The following ADRA1A variants were observed in gnomAD, a reference collection of about 807,000 sequenced individuals.
The protein encoded by ADRA1A is alpha-1A adrenergic receptor.
ADRA1A carries 31 observed loss-of-function variants against 29.6 expected under a neutral mutation model. That is an observed-to-expected ratio of 1.05 (90% CI 0.79 to 1.41). The LOEUF (loss-of-function observed/expected upper bound fraction) is 1.41. Ranked by LOEUF, ADRA1A falls within the 40% of genes most tolerant of loss-of-function variation. The pLI is 0.00. For synonymous variants in ADRA1A, 311 were observed against 254.3 expected (o/e 1.22, Z -2.12); for missense variants, 619 against 601.1 (o/e 1.03, Z -0.31).
chr8:26,808,417 A>G (rs1165834768), intron 2 of ADRA1A, among the ~76,000 whole-genome samples: 3 of 152,236 alleles, frequency 2.0e-5, no homozygotes, highest in African/African-American at 7.2e-5. Flanking sequence ...GTGGAAATGA[A>G]TAACTAAAAT....
chr8:26,842,945 G>A (rs1811940043), intron 2 of ADRA1A, among the ~76,000 whole-genome samples: 1 of 151,216 alleles, frequency 6.6e-6, no homozygotes, highest in Admixed American at 6.6e-5. Flanking sequence ...TGAATGTGCT[G>A]TGTTCACTCC....
At chr8:26,840,940 T>C (rs1811773223) in intron 2 of ADRA1A, among the ~76,000 whole-genome samples, 1 of 152,128 alleles carries the variant, frequency 6.6e-6, no homozygotes, top group Non-Finnish European at 1.5e-5. Flanking sequence ...ATCACAGTTG[T>C]AGCAAGCCAG....
At chr8:26,760,769 G>T (rs1321607511) in intron 2 of ADRA1A, among the ~76,000 whole-genome samples, 1 of 152,198 alleles carries the variant, frequency 6.6e-6, no homozygotes, top group Non-Finnish European at 1.5e-5. Flanking sequence ...ATGTCTCTGG[G>T]TAAGCATATG....
chr8:26,816,509 C>T (rs1215253509), intron 2 of ADRA1A, among the ~76,000 whole-genome samples: 1 of 151,034 alleles, frequency 6.6e-6, no homozygotes, highest in Non-Finnish European at 1.5e-5. Flanking sequence ...AGGGCAAAAA[C>T]AACAAGAGAG....
chr8:26,770,765 G>A (rs1015672978), intron 2 of ADRA1A, 99 bp from the exon 3 acceptor site: 254 of 1,450,696 alleles, frequency 1.8e-4, no homozygotes, highest in Middle Eastern at 4.8e-4. Flanking sequence ...ATTTTTAAAC[G>A]GTTAAAATGA....
chr8:26,769,993 C>A lies in ADRA1A; in HGVS notation c.*156G>T. The A allele has an allele frequency of 6.9e-7, 1 of 1,440,370 alleles. No homozygotes were observed. Among genetic ancestry groups the A allele is most frequent in the Admixed American group, 2.5e-5 (1 of 40,218 alleles). The allele number at this position is 1,440,370 out of a possible 1,614,324, so 89.2% of individuals were successfully genotyped here. ...ACCCTCCCTCTTCCCTGTGCCCTACCCGCTGCCTGATGAGTTGGGTCTACC... is the reference window on the plus strand; with the variant it reads ...ACCCTCCCTCTTCCCTGTGCCCTACACGCTGCCTGATGAGTTGGGTCTACC... On this transcript the variant is annotated 3_prime_UTR_variant, in exon 3 of 3. Coordinates refer to ENST00000380573, the MANE Select transcript of ADRA1A (RefSeq NM_000680.4).
intron 2 of ADRA1A, chr8:26,779,179 C>T (rs535315198): frequency 3.2e-6 from 2 of 625,764 alleles, no homozygotes; most frequent in Admixed American, 2.5e-5. Context: ...GGTTATCTCT[C>T]TCACTGTAGT....
At chr8:26,752,923 G>A (rs967472550), downstream of ADRA1A, among the ~76,000 whole-genome samples, 1 of 152,214 alleles carries the variant, frequency 6.6e-6, no homozygotes, top group Non-Finnish European at 1.5e-5. Flanking sequence ...AGTAGTCATT[G>A]TTCTCATTTT....
rs1404879225 is a variant in ADRA1A, at chr8:26,865,471, C to G, written c.-502G>C. 16 of 784,036 alleles carry G rather than the reference C, an allele frequency of 2.0e-5. No homozygotes were observed. The highest frequency in any genetic ancestry group is 2.3e-5 in the Non-Finnish European group (16 of 691,322). The allele number at this position is 784,036 out of a possible 1,614,324, so 48.6% of individuals were successfully genotyped here. A position where few individuals can be genotyped will look rare whatever the true frequency, so the allele number is the denominator to read the frequency against. Reference sequence around the variant, plus strand: ...GCCGTCGACGCTCAAAGGCAGGGACCGATGGTTGGGTAGCGCAGCGCTACA... The same window carrying G: ...GCCGTCGACGCTCAAAGGCAGGGACGGATGGTTGGGTAGCGCAGCGCTACA... On this transcript the variant is annotated 5_prime_UTR_variant, in exon 2 of 3. Coordinates refer to ENST00000380573, the MANE Select transcript of ADRA1A (RefSeq NM_000680.4). The surrounding 1 kb of genome is among the most constrained non-coding windows in gnomAD (Gnocchi z 7.6).
chr8:26,797,732 G>T (rs1290944063), intron 2 of ADRA1A, among the ~76,000 whole-genome samples: 1 of 151,956 alleles, frequency 6.6e-6, no homozygotes, highest in African/African-American at 2.4e-5. Context: ...AGTGTAGAGG[G>T]GTCTTAAGAC....
intron 2 of ADRA1A, among the ~76,000 whole-genome samples, chr8:26,858,300 G>A (rs948365671): frequency 2.0e-5 from 3 of 152,162 alleles, no homozygotes; most frequent in African/African-American, 4.8e-5. Context: ...ACGTAACTAT[G>A]TTTTCAGTGA....
Position 26,864,642 on chromosome 8 carries a change from A to G in ADRA1A, c.328T>C (p.Cys110Arg), listed in dbSNP as rs1167310025. Residue 110 changes from cysteine (C) to arginine (R), a missense_variant, in exon 2 of 3, where the codon TGC becomes CGC. Physicochemically the swap from Cys to Arg is radical, Grantham distance 180. Coordinates refer to ENST00000380573, the MANE Select transcript of ADRA1A (RefSeq NM_000680.4). The surrounding 1 kb of genome is among the most constrained non-coding windows in gnomAD (Gnocchi z 8.1). ...CAGAGGCCCATGATGGACGCGGTGC[A>G]GCACAGCACATCCACTGCCGCCCAG... is the stretch of plus-strand genomic sequence containing the variant. The part of the protein sequence containing the change: ...NIWAAVDVLC[C>R]TASIMGLCII... 5 of 1,614,196 alleles carry G rather than the reference A, an allele frequency of 3.1e-6. No individual in the cohort carries two copies. The Admixed American group carries it at 8.3e-5, about 27-fold the overall frequency.
In ADRA1A at chr8:26,864,245, G is replaced by A. The variant is rs763135595; in HGVS notation, c.725C>T (p.Pro242Leu). Residue 242 changes from proline to leucine, a missense_variant, in exon 2 of 3, where the codon CCG becomes CTG. Coordinates refer to ENST00000380573, the MANE Select transcript of ADRA1A (RefSeq NM_000680.4). This position sits in a 1 kb window ranked among gnomAD's most constrained non-coding sequence, Gnocchi z 8.1. The stretch of plus-strand genomic sequence containing the variant: ...GCTGGCCATCCCGCTGCCTCCTGCC[G>A]GGGCGTTTTTCCGATGGATGCGGAG... ...VTLRIHRKNAPAGGSGMASAK... is the reference protein window; with the variant it reads ...VTLRIHRKNALAGGSGMASAK... 1.7e-5 allele frequency: 28 copies of A among 1,614,170 alleles called. No individual in the cohort carries two copies. In the Middle Eastern group the frequency reaches 1.3e-3, roughly 76 times the overall value.
downstream of ADRA1A, chr8:26,756,386 T>A (rs2130174670): frequency 7.9e-7 from 1 of 1,264,364 alleles, no homozygotes; most frequent in Non-Finnish European, 1.0e-6. Flanking sequence ...TGGGGTGCCT[T>A]ATGGAATTCC....
At chr8:26,842,322 GTTTCAC>G (rs1335056914) in intron 2 of ADRA1A, among the ~76,000 whole-genome samples, 1 of 152,086 alleles carries the variant, frequency 6.6e-6, no homozygotes, top group Non-Finnish European at 1.5e-5. Flanking sequence ...GTTCCAGATA[GTTTCAC>G]TTAAACACCA....
chr8:26,852,591 A>G (rs1250283887), intron 2 of ADRA1A, among the ~76,000 whole-genome samples: 2 of 152,150 alleles, frequency 1.3e-5, no homozygotes, highest in Non-Finnish European at 2.9e-5. Context: ...GAGAAGGCAA[A>G]TGGAAAATAC....
intron 2 of ADRA1A, among the ~76,000 whole-genome samples, chr8:26,804,387 T>C (rs1214878755): frequency 6.6e-6 from 1 of 152,146 alleles, no homozygotes; most frequent in African/African-American, 2.4e-5. Flanking sequence ...TGTGAAAGTA[T>C]AAAAAATTAT....
chr8:26,823,148 A>G lies in ADRA1A; in HGVS notation c.883+40939T>C, dbSNP rs937873876. Among the ~76,000 whole-genome samples the G allele has an allele frequency of 2.0e-5, 3 of 152,228 alleles. No homozygotes were observed. The highest frequency in any genetic ancestry group is 7.2e-5 in the African/African-American group (3 of 41,468). On this transcript the variant is annotated intron_variant, in intron 2 of 2. Transcript: ENST00000380573. The surrounding 1 kb of genome is among the most constrained non-coding windows in gnomAD (Gnocchi z 4.2). ...TATAGGCATTAACAGAAGAACAAAC[A>G]CCAGCAAGAAATGAACAAAAAATGG...
chr8:26,836,252 T>G (rs1811351129), intron 2 of ADRA1A: 2 of 210,404 alleles, frequency 9.5e-6, no homozygotes, highest in African/African-American at 4.7e-5. Context: ...CTTCTAAAGA[T>G]GCTCATGATG....
Sources: gnomAD v4.1 joint callset for allele counts (sites outside exome capture counted in the v4.1 genomes callset) on GRCh38, gnomAD v4.1.1 for gene constraint, Gnocchi (gnomAD v3.1) non-coding constraint, MANE v1.5 for transcripts, NCBI Gene and HGNC (gene_info 2026-07-23, HGNC 2026-07-21) for gene names.